The following CTNND2 variants were observed in gnomAD, a reference collection of about 807,000 sequenced individuals.
The protein encoded by CTNND2 is catenin delta-2.
In CTNND2, 22 loss-of-function variants were observed where a neutral mutation model predicts 144.4. The ratio of observed to expected loss-of-function variants is 0.15; its 90% CI spans 0.11 to 0.22. The LOEUF is 0.22. CTNND2 is among the 10% of genes least tolerant of loss of function. CTNND2 has a pLI of 1.00. For missense variants in CTNND2, 1,353 were observed against 1,618.8 expected (o/e 0.84, Z 2.82); for synonymous variants, 751 against 695.6 (o/e 1.08, Z -1.25).
At chr5:11,424,142 T>C (rs934105452) in intron 3 of CTNND2, among the ~76,000 whole-genome samples, 8 of 152,184 alleles carry the variant, frequency 5.3e-5, no homozygotes, top group African/African-American at 1.9e-4. Context: ...TGTCAAAAAC[T>C]ACAAGTAACA....
chr5:11,577,910 T>C (rs944936059), intron 2 of CTNND2, among the ~76,000 whole-genome samples: 1 of 152,238 alleles, frequency 6.6e-6, no homozygotes, highest in African/African-American at 2.4e-5. Flanking sequence ...TCTTGCACTA[T>C]ATTGCACTGC....
chr5:11,519,759 G>A (rs958817041), intron 3 of CTNND2, among the ~76,000 whole-genome samples: 1 of 151,972 alleles, frequency 6.6e-6, no homozygotes, highest in African/African-American at 2.4e-5. Flanking sequence ...AAGGAAGGTA[G>A]GTAGGTAGGT....
intron 1 of CTNND2, among the ~76,000 whole-genome samples, chr5:11,895,821 T>G (rs767749493): frequency 1.3e-5 from 2 of 152,086 alleles, no homozygotes; most frequent in Non-Finnish European, 2.9e-5. Flanking sequence ...CACAAAAAAA[T>G]TAGACGTAGA....
At chr5:11,617,086 T>C (rs1405885940) in intron 2 of CTNND2, among the ~76,000 whole-genome samples, 1 of 152,230 alleles carries the variant, frequency 6.6e-6, no homozygotes, top group East Asian at 1.9e-4. Flanking sequence ...TGGCTATGCA[T>C]GTGCCAAGGT....
At chr5:11,498,782 A>C (rs1282372993) in intron 3 of CTNND2, among the ~76,000 whole-genome samples, 1 of 152,222 alleles carries the variant, frequency 6.6e-6, no homozygotes, top group Non-Finnish European at 1.5e-5. Flanking sequence ...AAATTTTTTA[A>C]AGCATATCTT....
chr5:11,781,419 C>G (rs192037637), intron 1 of CTNND2, among the ~76,000 whole-genome samples: 97 of 152,304 alleles, frequency 6.4e-4, no homozygotes, highest in African/African-American at 2.0e-3. Context: ...TCTGAGGAAG[C>G]CAGCCTCCGC....
intron 9 of CTNND2, among the ~76,000 whole-genome samples, chr5:11,299,472 A>G (rs563350984): frequency 1.3e-5 from 2 of 152,282 alleles, no homozygotes; most frequent in East Asian, 1.9e-4. Context: ...ACATGCATCA[A>G]GGAGGCAGGC....
intron 1 of CTNND2, among the ~76,000 whole-genome samples, chr5:11,776,913 T>C (rs1410156917): frequency 6.6e-6 from 1 of 152,160 alleles, no homozygotes; most frequent in Non-Finnish European, 1.5e-5. Flanking sequence ...CCATAATAAA[T>C]CATTAGGCAA....
intron 1 of CTNND2, among the ~76,000 whole-genome samples, chr5:11,857,959 G>A (rs951914929): frequency 5.9e-5 from 9 of 152,206 alleles, no homozygotes; most frequent in East Asian, 3.8e-4. Flanking sequence ...AGGAAGCACA[G>A]AAACTGTGGG....
At chr5:11,027,592 A>G (rs187005137) in intron 16 of CTNND2, among the ~76,000 whole-genome samples, 1 of 152,150 alleles carries the variant, frequency 6.6e-6, no homozygotes, top group African/African-American at 2.4e-5. Context: ...TAACTTTGCT[A>G]CCCTTTCCAC....
chr5:11,816,479 A>G (rs78671661), intron 1 of CTNND2, among the ~76,000 whole-genome samples: 1,873 of 150,700 alleles, frequency 0.012, 23 homozygotes, highest in East Asian at 0.053. Flanking sequence ...GAAAAACGCA[A>G]TAGAGGGGCC....
chr5:11,137,034 C>T lies in CTNND2; in HGVS notation c.2160-19467G>A, dbSNP rs143252988. The stretch of plus-strand genomic sequence containing the variant: ...AAAGCCCATGAAAATAGGGCCTGTG[C>T]CTTTCTTGTCACTCATATATCACCA... On this transcript the variant is annotated intron_variant, in intron 12 of 21. Coordinates refer to ENST00000304623, the MANE Select transcript of CTNND2 (RefSeq NM_001332.4). Among the ~76,000 whole-genome samples the T allele has an allele frequency of 2.2e-3, 337 of 152,350 alleles. 1 individual carries two copies. The highest frequency in any genetic ancestry group is 7.1e-3 in the African/African-American group (296 of 41,590).
At position 11,468,697 on chromosome 5, in the gene CTNND2, C is replaced by T. The variant is rs56750190; in HGVS notation, c.288-56628G>A. Among the ~76,000 whole-genome samples the T allele has an allele frequency of 8.5e-4, 130 of 152,198 alleles. 1 individual carries two copies. The highest frequency in any genetic ancestry group is 3.1e-3 in the African/African-American group (127 of 41,538). On this transcript the variant is annotated intron_variant, in intron 3 of 21. Transcript: ENST00000304623. ...TTTCCTTTTTCAAATTTTAGAGTCT[C>T]TTATTTTCTCTTTTCATTCAGTTTC...
At chr5:11,263,524 T>C (rs1745130248) in intron 9 of CTNND2, among the ~76,000 whole-genome samples, 1 of 152,150 alleles carries the variant, frequency 6.6e-6, no homozygotes, top group African/African-American at 2.4e-5. Flanking sequence ...TGTGTGAGTG[T>C]GTGTGTGTGA....
chr5:11,234,571 G>A (rs971834157), intron 10 of CTNND2, among the ~76,000 whole-genome samples: 1 of 152,196 alleles, frequency 6.6e-6, no homozygotes, highest in African/African-American at 2.4e-5. Flanking sequence ...TCACCACAGT[G>A]CACTGGGGGT....
intron 9 of CTNND2, among the ~76,000 whole-genome samples, chr5:11,241,205 A>C (rs1450487219): frequency 1.3e-5 from 2 of 152,192 alleles, no homozygotes; most frequent in Non-Finnish European, 2.9e-5. Flanking sequence ...CATGCTGCTA[A>C]CCTGAGCAGC....
At chr5:11,129,194 A>T (rs1233418210) in intron 12 of CTNND2, among the ~76,000 whole-genome samples, 21 of 44,836 alleles carry the variant, frequency 4.7e-4, no homozygotes, top group African/African-American at 1.4e-3. Context: ...ATAATATATA[A>T]TATATATTAT....
At chr5:11,681,847 G>A (rs1315490574) in intron 2 of CTNND2, among the ~76,000 whole-genome samples, 2 of 152,184 alleles carry the variant, frequency 1.3e-5, no homozygotes, top group Non-Finnish European at 2.9e-5. Context: ...GACCTATCAG[G>A]AAAGGGTTAA....
chr5:11,578,072 T>C (rs1435287333), intron 2 of CTNND2, among the ~76,000 whole-genome samples: 1 of 152,160 alleles, frequency 6.6e-6, no homozygotes, highest in African/African-American at 2.4e-5. Flanking sequence ...TTCTGCTTCA[T>C]TTATGTTGAC....
Sources: allele counts gnomAD v4.1 joint callset (sites outside exome capture counted in the v4.1 genomes callset), GRCh38; gene constraint gnomAD v4.1.1; transcripts MANE v1.5; gene names NCBI Gene and HGNC (gene_info 2026-07-23, HGNC 2026-07-21).